CLVS2: variants seen among roughly 807,000 people sequenced by gnomAD.
CLVS2 encodes clavesin 2.
CLVS2 carries 19 observed loss-of-function variants against 29.0 expected under a neutral mutation model. That is an observed-to-expected ratio of 0.66 (90% CI 0.46 to 0.96). The LOEUF is 0.96. CLVS2 is among the 40% of genes least tolerant of loss of function. The pLI, the probability that CLVS2 is intolerant of heterozygous loss-of-function variation, is 0.00. For synonymous variants in CLVS2, 161 were observed against 151.3 expected (o/e 1.06, Z -0.47); for missense variants, 294 against 404.1 (o/e 0.73, Z 2.34).
intron 3 of CLVS2, among the ~76,000 whole-genome samples, chr6:123,024,560 A>G (rs1361297412): frequency 6.6e-6 from 1 of 152,032 alleles, no homozygotes; most frequent in Non-Finnish European, 1.5e-5. Context: ...GATTATTAAA[A>G]CTTCCACCTG....
At chr6:123,055,509 C>T (rs1772681588) in intron 4 of CLVS2, among the ~76,000 whole-genome samples, 1 of 152,132 alleles carries the variant, frequency 6.6e-6, no homozygotes, top group African/African-American at 2.4e-5. Flanking sequence ...TTATTCTGCC[C>T]ATGTCCCTGC....
Position 123,071,004 on chromosome 6 carries a change from CAT to C in CLVS2, c.*7246_*7247del, listed in dbSNP as rs1195796125. On this transcript the variant is annotated 3_prime_UTR_variant, in exon 6 of 6. Transcript: ENST00000275162. The stretch of plus-strand genomic sequence containing the variant: ...TAGATGAAACAGCCCTGTGGTTCTT[CAT>C]ATTCTCCTTTCCTGCTGTATTTCCT... 22 of 151,972 alleles carry C rather than the reference CAT, an allele frequency of 1.4e-4. No individual in the cohort carries two copies. Among genetic ancestry groups the C allele is most frequent in the African/African-American group, 5.1e-4 (21 of 41,420 alleles). The allele number at this position is 151,972 out of a possible 1,614,324, so 9.4% of individuals were successfully genotyped here. A position where few individuals can be genotyped will look rare whatever the true frequency, so the allele number is the denominator to read the frequency against.
chr6:123,015,691 T>C (rs889356183), intron 3 of CLVS2, among the ~76,000 whole-genome samples: 2 of 152,100 alleles, frequency 1.3e-5, no homozygotes, highest in Admixed American at 1.3e-4. Flanking sequence ...ACTAAAGATG[T>C]CACAAATGGC....
chr6:123,044,000 C>T (rs986315042), intron 3 of CLVS2, among the ~76,000 whole-genome samples: 1 of 152,062 alleles, frequency 6.6e-6, no homozygotes, highest in African/African-American at 2.4e-5. Flanking sequence ...ATTAATTTAC[C>T]CCATAAATGA....
intron 3 of CLVS2, among the ~76,000 whole-genome samples, chr6:123,041,501 C>G (rs1397431138): frequency 6.6e-6 from 1 of 151,940 alleles, no homozygotes; most frequent in Non-Finnish European, 1.5e-5. Context: ...CACCCTCAGA[C>G]AGAAATGAAA....
intron 3 of CLVS2, among the ~76,000 whole-genome samples, chr6:123,018,540 T>G (rs767317360): frequency 1.3e-5 from 2 of 152,016 alleles, no homozygotes; most frequent in African/African-American, 2.4e-5. Context: ...ATTTAAAAAT[T>G]CTGGTACTAT....
At position 122,997,694 on chromosome 6, in the gene CLVS2, G is replaced by A; in HGVS notation, c.-84G>A. The A allele has an allele frequency of 1.4e-6, 2 of 1,381,126 alleles. No individual in the cohort carries two copies. The highest frequency in any genetic ancestry group is 2.6e-4 in the Middle Eastern group (1 of 3,786). The allele number at this position is 1,381,126 out of a possible 1,614,324, so 85.6% of individuals were successfully genotyped here. On this transcript the variant is annotated 5_prime_UTR_variant, in exon 2 of 6. Coordinates refer to ENST00000275162, the MANE Select transcript of CLVS2 (RefSeq NM_001010852.4). ...GCAGGCAGCAGGAGGTCTGGGGGCT[G>A]GAGTCTGGTGGTGGCAAGGACCAGG...
At chr6:123,003,661 C>T (rs1377805284) in intron 2 of CLVS2, among the ~76,000 whole-genome samples, 1 of 152,122 alleles carries the variant, frequency 6.6e-6, no homozygotes, top group Non-Finnish European at 1.5e-5. Flanking sequence ...ATACTTTGTA[C>T]TTTTAAGCAA....
intron 5 of CLVS2, among the ~76,000 whole-genome samples, chr6:123,059,700 G>A (rs1203078206): frequency 6.6e-6 from 1 of 152,148 alleles, no homozygotes; most frequent in African/African-American, 2.4e-5. Flanking sequence ...AAACTGGAAA[G>A]TCTCTTTACT....
intron 2 of CLVS2, among the ~76,000 whole-genome samples, chr6:123,001,629 T>C (rs1425339724): frequency 6.6e-6 from 1 of 152,246 alleles, no homozygotes; most frequent in African/African-American, 2.4e-5. Context: ...ATCACAAAGA[T>C]GCCTTCGTCC....
chr6:123,019,519 A>G (rs932930046), intron 3 of CLVS2, among the ~76,000 whole-genome samples: 1 of 152,008 alleles, frequency 6.6e-6, no homozygotes, highest in African/African-American at 2.4e-5. Flanking sequence ...TTTTTGTATC[A>G]GTATAGCTAT....
intron 5 of CLVS2, among the ~76,000 whole-genome samples, chr6:123,059,130 G>T (rs1772738671): frequency 6.6e-6 from 1 of 151,838 alleles, no homozygotes; most frequent in African/African-American, 2.4e-5. Context: ...TTTTGCCCTT[G>T]TCACCGCCAC....
chr6:123,017,429 T>C (rs1456550547), intron 3 of CLVS2, among the ~76,000 whole-genome samples: 1 of 152,038 alleles, frequency 6.6e-6, no homozygotes, highest in African/African-American at 2.4e-5. Context: ...GATGGGAACG[T>C]TTATTTCTAC....
intron 3 of CLVS2, among the ~76,000 whole-genome samples, chr6:123,031,038 T>C (rs1310684344): frequency 6.6e-6 from 1 of 151,978 alleles, no homozygotes; most frequent in Non-Finnish European, 1.5e-5. Context: ...GCTCAAGTGA[T>C]TCTCCCACAT....
chr6:123,041,244 T>C (rs928692671), intron 3 of CLVS2, among the ~76,000 whole-genome samples: 2 of 151,970 alleles, frequency 1.3e-5, no homozygotes, highest in Non-Finnish European at 2.9e-5. Context: ...AGTTGAAAAC[T>C]CTCCCTGTCC....
intron 2 of CLVS2, among the ~76,000 whole-genome samples, chr6:123,006,658 C>T (rs933299169): frequency 3.3e-5 from 5 of 152,220 alleles, no homozygotes; most frequent in East Asian, 1.9e-4. Context: ...GATTAATGTA[C>T]GCAATCCCAG....
At chr6:123,041,776 G>T (rs2114346795) in intron 3 of CLVS2, among the ~76,000 whole-genome samples, 1 of 152,136 alleles carries the variant, frequency 6.6e-6, no homozygotes, top group South Asian at 2.1e-4. Context: ...TTAAACAATA[G>T]CTGGCATTTG....
chr6:123,067,824 A>C lies in CLVS2; in HGVS notation c.*4063A>C, dbSNP rs1159164035. On this transcript the variant is annotated 3_prime_UTR_variant, in exon 6 of 6. Transcript: ENST00000275162. Reference sequence around the variant, plus strand: ...GGTTAAATATGCAAGGTGTGTAATTATCTTCAGTAATGAAAAGGATTTGTT... The same window carrying C: ...GGTTAAATATGCAAGGTGTGTAATTCTCTTCAGTAATGAAAAGGATTTGTT... 7 of 151,738 alleles carry C rather than the reference A, an allele frequency of 4.6e-5. No homozygotes were observed. The highest frequency in any genetic ancestry group is 1.7e-4 in the African/African-American group (7 of 41,412). 9.4% of individuals were successfully genotyped at this position (151,738 alleles called of 1,614,324 possible).
At chr6:123,024,403 A>G (rs1774969077) in intron 3 of CLVS2, among the ~76,000 whole-genome samples, 1 of 152,140 alleles carries the variant, frequency 6.6e-6, no homozygotes, top group Non-Finnish European at 1.5e-5. Flanking sequence ...TACATGATTA[A>G]TATACACATA....
Sources: gnomAD v4.1 joint callset for allele counts (sites outside exome capture counted in the v4.1 genomes callset) on GRCh38, gnomAD v4.1.1 for gene constraint, MANE v1.5 for transcripts, NCBI Gene and HGNC (gene_info 2026-07-23, HGNC 2026-07-21) for gene names.